The following NPFFR1 variants were observed in gnomAD, a reference collection of about 807,000 sequenced individuals.
NPFFR1 encodes the protein neuropeptide FF receptor 1.
A neutral mutation model predicts 12.7 loss-of-function variants in NPFFR1; 17 were observed. That is an observed-to-expected ratio of 1.34 (90% CI 0.92 to 2.01). The LOEUF is 2.01. Ranked by LOEUF, NPFFR1 falls within the 30% of genes most tolerant of loss-of-function variation. The probability of loss-of-function intolerance (pLI) is 0.00; values close to 1 mark genes in which losing one functional copy is unlikely to be tolerated. For missense variants in NPFFR1, 604 were observed against 606.5 expected (o/e 1.00, Z 0.04); for synonymous variants, 296 against 264.5 (o/e 1.12, Z -1.16).
At chr10:70,272,868 C>T (rs1840764308) in intron 1 of NPFFR1, among the ~76,000 whole-genome samples, 1 of 152,178 alleles carries the variant, frequency 6.6e-6, no homozygotes, top group Non-Finnish European at 1.5e-5. Context: ...AAAGTATTGA[C>T]CATGGGACAT....
Position 70,248,489 on chromosome 10 carries a change from T to TTTTTTTTTTTTTTTTTTTTG in NPFFR1, c.*6467_*6468insCAAAAAAAAAAAAAAAAAAA, listed in dbSNP as rs1840477391. 17 of 113,878 alleles carry TTTTTTTTTTTTTTTTTTTTG rather than the reference T, an allele frequency of 1.5e-4. No homozygotes were observed. Among genetic ancestry groups the TTTTTTTTTTTTTTTTTTTTG allele is most frequent in the South Asian group, 6.3e-4 (2 of 3,174 alleles). The allele number at this position is 113,878 out of a possible 1,614,324, so 7.1% of individuals were successfully genotyped here. A position where few individuals can be genotyped will look rare whatever the true frequency, so the allele number is the denominator to read the frequency against. On this transcript the variant is annotated 3_prime_UTR_variant, in exon 4 of 4. Coordinates refer to ENST00000277942, the MANE Select transcript of NPFFR1 (RefSeq NM_022146.5). ...GGCGTTTTTTTTTTGTTTTTTGTTT[T>TTTTTTTTTTTTTTTTTTTTG]TTTTTTTTTTTTTTGAGATGGAGTC...
chr10:70,266,360 C>T lies in NPFFR1; in HGVS notation c.39G>A (p.Trp13Ter), dbSNP rs1168004665. 4 of 1,613,218 alleles carry T rather than the reference C, an allele frequency of 2.5e-6. No homozygotes were observed. Among genetic ancestry groups the T allele is most frequent in the East Asian group, 2.2e-5 (1 of 44,886 alleles). Residue 13 changes from tryptophan (W) to a stop codon, truncating the protein, a stop_gained, in exon 2 of 4, where the codon TGG (tryptophan) becomes TGA (stop). Transcript: ENST00000277942. LOFTEE classifies it high-confidence loss of function. ...GEPSQPPNSS[W>*]PLSQNGTNTE... Reference sequence around the variant, plus strand: ...TGTTAGTCCCATTCTGACTTAGGGGCCAACTGCTGTTGGGAGGCTGGGAGG... The same window carrying T: ...TGTTAGTCCCATTCTGACTTAGGGGTCAACTGCTGTTGGGAGGCTGGGAGG...
intron 1 of NPFFR1, 63 bp from the exon 2 acceptor site, chr10:70,266,454 C>T (rs1371649332): frequency 3.8e-6 from 5 of 1,316,532 alleles, no homozygotes; most frequent in Non-Finnish European, 5.3e-6. Flanking sequence ...GATTTCTCAC[C>T]ACTAATGAGA....
At chr10:70,261,708 T>C (rs779882558) in intron 2 of NPFFR1, among the ~76,000 whole-genome samples, 15 of 152,182 alleles carry the variant, frequency 9.9e-5, no homozygotes, top group Non-Finnish European at 1.8e-4. Flanking sequence ...AAAGAACAAA[T>C]GCTCAGACCC....
chr10:70,261,301 G>C (rs1033035465), intron 2 of NPFFR1, among the ~76,000 whole-genome samples: 1 of 152,120 alleles, frequency 6.6e-6, no homozygotes, highest in Non-Finnish European at 1.5e-5. Context: ...TGTGAAGAAG[G>C]ATGTGCTTCC....
Position 70,276,304 on chromosome 10 carries a change from G to A in NPFFR1, c.7+7366C>T, listed in dbSNP as rs192362941. On this transcript the variant is annotated intron_variant, in intron 1 of 3. Coordinates refer to ENST00000277942, the MANE Select transcript of NPFFR1 (RefSeq NM_022146.5). ...CCTTTGAGATCCATTACCTCCTAAC[G>A]AGGCATCACTGCTTGGAGTCCTAGG... Among the ~76,000 whole-genome samples, 12 of 152,152 alleles carry A rather than the reference G, an allele frequency of 7.9e-5. No homozygotes were observed. In the East Asian group the frequency reaches 1.4e-3, roughly 17 times the overall value.
At chr10:70,278,634 G>C (rs894760458) in intron 1 of NPFFR1, among the ~76,000 whole-genome samples, 68 of 152,080 alleles carry the variant, frequency 4.5e-4, no homozygotes, top group Admixed American at 4.1e-3. Context: ...CCCCATTGTT[G>C]GTCCTCCAGT....
intron 1 of NPFFR1, among the ~76,000 whole-genome samples, chr10:70,279,304 AC>A (rs1186707081): frequency 6.6e-6 from 1 of 151,952 alleles, no homozygotes; most frequent in Non-Finnish European, 1.5e-5. Flanking sequence ...GTACCACCAC[AC>A]CCGGCTAATT....
intron 1 of NPFFR1, among the ~76,000 whole-genome samples, chr10:70,270,286 T>G (rs1327474275): frequency 6.6e-6 from 1 of 152,204 alleles, no homozygotes; most frequent in African/African-American, 2.4e-5. Flanking sequence ...GTGCTGATGT[T>G]GGAAGGCCTT....
chr10:70,270,056 G>A (rs1840731572), intron 1 of NPFFR1, among the ~76,000 whole-genome samples: 1 of 152,176 alleles, frequency 6.6e-6, no homozygotes, highest in African/African-American at 2.4e-5. Context: ...GTGTTTCTAG[G>A]TTGATTGTCT....
chr10:70,260,167 G>T (rs541619159), intron 3 of NPFFR1, among the ~76,000 whole-genome samples: 1 of 152,288 alleles, frequency 6.6e-6, no homozygotes, highest in East Asian at 1.9e-4. Context: ...GACGAGAAGC[G>T]GTGAACGTGG....
In NPFFR1 at chr10:70,279,707, C is replaced by T. The variant is rs751929330; in HGVS notation, c.7+3963G>A. Among the ~76,000 whole-genome samples, 25 of 151,932 alleles carry T rather than the reference C, an allele frequency of 1.6e-4. 1 individual carries two copies. The highest frequency in any genetic ancestry group is 4.2e-4 in the South Asian group (2 of 4,806). ...AACTCATGACCTCAAATGATCTTCCCGCTTTGGCCTCCCAAAGTGCTCTGA... is the reference window on the plus strand; with the variant it reads ...AACTCATGACCTCAAATGATCTTCCTGCTTTGGCCTCCCAAAGTGCTCTGA... On this transcript the variant is annotated intron_variant, in intron 1 of 3. Coordinates refer to ENST00000277942, the MANE Select transcript of NPFFR1 (RefSeq NM_022146.5).
intron 1 of NPFFR1, among the ~76,000 whole-genome samples, chr10:70,267,205 G>C (rs1030907156): frequency 6.6e-6 from 1 of 152,152 alleles, no homozygotes; most frequent in African/African-American, 2.4e-5. Flanking sequence ...AGAATGAAGG[G>C]GAACTGTGAA....
intron 1 of NPFFR1, among the ~76,000 whole-genome samples, chr10:70,271,428 G>A (rs1040278916): frequency 5.3e-5 from 8 of 152,112 alleles, no homozygotes; most frequent in African/African-American, 1.2e-4. Context: ...TGGGAGGATC[G>A]CTTGAGCCTG....
In NPFFR1 at chr10:70,251,346, A is replaced by G. The variant is rs1300443265; in HGVS notation, c.*3611T>C. 3 of 152,418 alleles carry G rather than the reference A, an allele frequency of 2.0e-5. No homozygotes were observed. In the East Asian group the frequency reaches 5.8e-4, roughly 29 times the overall value. 9.4% of individuals were successfully genotyped at this position (152,418 alleles called of 1,614,324 possible). On this transcript the variant is annotated 3_prime_UTR_variant, in exon 4 of 4. Transcript: ENST00000277942. ...TTTGCCAACTTCGCCCTCCATTCCA[A>G]TGCAGATCAGCTCATGAGTCCTCCA...
rs765363603 is a variant in NPFFR1, at chr10:70,255,702, G to T, written c.548C>A (p.Thr183Asn). The change falls in exon 4 of 4, where the codon ACC (threonine) becomes AAC (asparagine). Residue 183 changes from threonine (T) to asparagine (N), a missense_variant. Coordinates refer to ENST00000277942, the MANE Select transcript of NPFFR1 (RefSeq NM_022146.5). The surrounding 1 kb of genome is among the most constrained non-coding windows in gnomAD (Gnocchi z 4.2). ...CACCATGAAGTGGTGCTCCTCACGG[G>T]TGACGGTCAGCGTGACGGCCGAGGG... ...MCPSAVTLTV[T>N]REEHHFMVDA... The T allele has an allele frequency of 5.0e-6, 8 of 1,607,434 alleles. No homozygotes were observed. Among genetic ancestry groups the T allele is most frequent in the South Asian group, 4.5e-5 (4 of 89,644 alleles).
intron 1 of NPFFR1, among the ~76,000 whole-genome samples, 163 bp downstream of exon 1, chr10:70,283,507 C>G (rs1840883960): frequency 6.6e-6 from 1 of 152,200 alleles, no homozygotes; most frequent in South Asian, 2.1e-4. Flanking sequence ...AGGTCTCTCT[C>G]CCTCACTCAG....
At chr10:70,278,021 C>T (rs992750962) in intron 1 of NPFFR1, 1 of 517,378 alleles carries the variant, frequency 1.9e-6, no homozygotes, top group Non-Finnish European at 3.9e-6. Context: ...CCTAGTCAGT[C>T]ATGAGACCTG....
At chr10:70,272,148 GGA>G (rs10559441) in intron 1 of NPFFR1, among the ~76,000 whole-genome samples, 80,691 of 133,976 alleles carry the variant, frequency 0.6, 23,850 homozygotes, top group African/African-American at 0.71. Context: ...AAAGAGAAAG[GGA>G]GAGAGAGAGA....
Sources: allele counts gnomAD v4.1 joint callset (sites outside exome capture counted in the v4.1 genomes callset), GRCh38; gene constraint gnomAD v4.1.1; non-coding constraint Gnocchi (gnomAD v3.1); transcripts MANE v1.5; gene names NCBI Gene and HGNC (gene_info 2026-07-23, HGNC 2026-07-21).